The following COL13A1 variants were observed in gnomAD, a reference collection of about 807,000 sequenced individuals.
COL13A1 encodes collagen type XIII alpha 1 chain.
COL13A1 carries 89 observed loss-of-function variants against 130.9 expected under a neutral mutation model. That is an observed-to-expected ratio of 0.68 (90% confidence interval 0.57 to 0.81). The LOEUF (loss-of-function observed/expected upper bound fraction) is 0.81. COL13A1 is among the 30% of genes least tolerant of loss of function. The probability of loss-of-function intolerance (pLI) is 0.00; values close to 1 mark genes in which losing one functional copy is unlikely to be tolerated. For missense variants in COL13A1, 879 were observed against 934.6 expected, an observed-to-expected ratio of 0.94 and a Z score of 0.78; for synonymous variants, 402 against 341.6, an observed-to-expected ratio of 1.18 and a Z score of -1.95.
chr10:69,821,192 T>C (rs1365296348), intron 1 of COL13A1, among the ~76,000 whole-genome samples: 1 of 152,230 alleles, frequency 6.6e-6, no homozygotes, highest in Non-Finnish European at 1.5e-5. Context: ...AAATTACAAA[T>C]GCAGATTTGC....
In COL13A1 at chr10:69,894,684, G is replaced by A; in HGVS notation, c.640G>A (p.Gly214Arg). 6.2e-7 allele frequency: 1 copy of A among 1,613,954 alleles called. No homozygotes were observed. Among genetic ancestry groups the A allele is most frequent in the Non-Finnish European group, 8.5e-7 (1 of 1,179,878 alleles). The part of the protein sequence containing the change: ...TGPPGQPGPQ[G>R]QKGEKGQCGE... Reference sequence around the variant, plus strand: ...CTCCGTCTCTTTGTAGGGACCCCAGGGACAAAAAGGAGAAAAGGTAAGAGC... The same window carrying A: ...CTCCGTCTCTTTGTAGGGACCCCAGAGACAAAAAGGAGAAAAGGTAAGAGC... The change falls in exon 12 of 41, where the codon GGA (glycine) becomes AGA (arginine). Residue 214 changes from glycine (G) to arginine (R), a missense_variant. By Grantham distance (125) the Gly-to-Arg change is moderately radical. This residue lies in a region of COL13A1 where 715 missense variants were observed against 721.0 expected (regional missense o/e 0.99). Transcript: ENST00000645393.
intron 2 of COL13A1, among the ~76,000 whole-genome samples, chr10:69,848,679 C>T (rs926910777): frequency 1.3e-5 from 2 of 152,248 alleles, no homozygotes; most frequent in Non-Finnish European, 2.9e-5. Context: ...CCACGCCACA[C>T]TTCTGCTGTG....
At chr10:69,876,918 C>A (rs1589236378) in intron 5 of COL13A1, among the ~76,000 whole-genome samples, 1 of 152,214 alleles carries the variant, frequency 6.6e-6, no homozygotes, top group South Asian at 2.1e-4. Flanking sequence ...AAAGTGGCAG[C>A]TCTGGGCCTT....
chr10:69,856,688 G>A (rs1334166099), intron 2 of COL13A1, among the ~76,000 whole-genome samples: 2 of 152,198 alleles, frequency 1.3e-5, no homozygotes, highest in Non-Finnish European at 2.9e-5. Flanking sequence ...GAGAACTGTC[G>A]ATGCCTTTTG....
chr10:69,923,463 T>C (rs190976885), intron 23 of COL13A1, among the ~76,000 whole-genome samples: 3 of 152,328 alleles, frequency 2.0e-5, no homozygotes, highest in Admixed American at 2.0e-4. Flanking sequence ...CTCTACATCA[T>C]CTGGGGCAAT....
At chr10:69,897,986 T>C (rs1468082677) in intron 13 of COL13A1, among the ~76,000 whole-genome samples, 1 of 152,110 alleles carries the variant, frequency 6.6e-6, no homozygotes, top group Non-Finnish European at 1.5e-5. Context: ...TTTCTGGAGA[T>C]ATCTTTGCCC....
chr10:69,898,176 C>T (rs2061841009), intron 13 of COL13A1, among the ~76,000 whole-genome samples: 1 of 152,172 alleles, frequency 6.6e-6, no homozygotes, highest in Non-Finnish European at 1.5e-5. Flanking sequence ...AAAAAAGAAC[C>T]CACCAGCCGC....
chr10:69,861,427 T>A lies in COL13A1; in HGVS notation c.365-6371T>A, dbSNP rs1446040547. Among the ~76,000 whole-genome samples the A allele has an allele frequency of 2.0e-5, 3 of 152,168 alleles. No individual in the cohort carries two copies. In the East Asian group the frequency reaches 5.8e-4, roughly 29 times the overall value. ...CTGGCTCCTGTCCCTTCCTTGCTCG[T>A]ACATTCCAGTCTCTCTGCCAACCTT... is the stretch of plus-strand genomic sequence containing the variant. On this transcript the variant is annotated intron_variant, in intron 2 of 40. Transcript: ENST00000645393.
rs1430859604 is a variant in COL13A1 at position 69,924,957 on chromosome 10, C to T, written c.1285-6C>T. 4.4e-6 allele frequency: 7 copies of T among 1,587,174 alleles called. No individual in the cohort carries two copies. The highest frequency in any genetic ancestry group is 1.3e-5 in the African/African-American group (1 of 74,276). On this transcript the variant is annotated splice_polypyrimidine_tract_variant and splice_region_variant and intron_variant, in intron 24 of 40. Transcript: ENST00000645393. ...CCCACTTTGCTCCAATTTTGTCATG[C>T]AACAGGGGGAGCGTGGAGCAGCTGG...
chr10:69,940,903 C>T (rs538847140), intron 34 of COL13A1, 85 bp from the exon 35 acceptor site: 14 of 1,579,776 alleles, frequency 8.9e-6, no homozygotes, highest in South Asian at 2.2e-5. Flanking sequence ...CTGCTTTACT[C>T]ACCTCTTCCC....
Position 69,855,240 on chromosome 10 carries a change from C to T in COL13A1, c.365-12558C>T, listed in dbSNP as rs117678602. 5.5e-4 allele frequency among the ~76,000 whole-genome samples: 84 copies of T among 152,308 alleles called. No individual in the cohort carries two copies. In the East Asian group the frequency reaches 0.016, roughly 29 times the overall value. ...TGACATTCAGAGGGGTTGGTGGTGC[C>T]GTTCAGCCAGATGGCATGGAAGCAG... On this transcript the variant is annotated intron_variant, in intron 2 of 40. Transcript: ENST00000645393.
chr10:69,810,711 G>A (rs527354139), intron 1 of COL13A1, among the ~76,000 whole-genome samples: 2 of 152,332 alleles, frequency 1.3e-5, no homozygotes, highest in African/African-American at 4.8e-5. Context: ...GCTTCTCCAA[G>A]GGAAACTGAG....
At chr10:69,937,809 G>C (rs1003255223) in intron 34 of COL13A1, 94 bp downstream of exon 34, 12 of 676,232 alleles carry the variant, frequency 1.8e-5, no homozygotes, top group Non-Finnish European at 2.7e-5. Context: ...TAAGGTTCTA[G>C]AGTCTGAGCA....
In COL13A1 at chr10:69,890,894, C is replaced by T. The variant is rs145515693; in HGVS notation, c.603+1454C>T. 1.7e-3 allele frequency among the ~76,000 whole-genome samples: 262 copies of T among 152,362 alleles called. 4 individuals carry two copies. The highest frequency in any genetic ancestry group is 6.2e-3 in the African/African-American group (258 of 41,586). ...GGCTCAGAGAGTCTAACTAACTTGC[C>T]TGAAGTCACACAGCTGAATGTCCAA... On this transcript the variant is annotated intron_variant, in intron 10 of 40. Transcript: ENST00000645393.
chr10:69,892,836 C>T (rs1232171619), intron 10 of COL13A1, among the ~76,000 whole-genome samples: 1 of 152,168 alleles, frequency 6.6e-6, no homozygotes, highest in African/African-American at 2.4e-5. Flanking sequence ...GAAATAAAAC[C>T]ATGTGGGACA....
chr10:69,929,501 C>T (rs72805185), intron 28 of COL13A1, among the ~76,000 whole-genome samples: 2,882 of 152,304 alleles, frequency 0.019, 48 homozygotes, highest in Non-Finnish European at 0.026. Context: ...CAATAGACCA[C>T]CTCCTCCTTG....
intron 4 of COL13A1, among the ~76,000 whole-genome samples, chr10:69,874,454 AAACTTAAT>A (rs1341192929): frequency 2.0e-5 from 3 of 152,246 alleles, no homozygotes; most frequent in Non-Finnish European, 4.4e-5. Flanking sequence ...GGGAGGAACA[AAACTTAAT>A]AAGCAGATTT....
At chr10:69,953,723 C>T (rs927044237) in intron 39 of COL13A1, among the ~76,000 whole-genome samples, 12 of 152,198 alleles carry the variant, frequency 7.9e-5, no homozygotes, top group Admixed American at 2.0e-4. Flanking sequence ...GGAGGATCAA[C>T]GGAGAGGGGG....
At position 69,906,346 on chromosome 10, in the gene COL13A1, C is replaced by G. The variant is rs371764733; in HGVS notation, c.921+524C>G. ...TTGACAGTCTGGGAATTCTGCTAAT[C>G]TCACCTGGGCTCACTCATGCAGTCA... On this transcript the variant is annotated intron_variant, in intron 17 of 40. Transcript: ENST00000645393. Among the ~76,000 whole-genome samples, 98 of 152,284 alleles carry G rather than the reference C, an allele frequency of 6.4e-4. 1 individual carries two copies. The highest frequency in any genetic ancestry group is 2.3e-3 in the African/African-American group (95 of 41,560).
Sources: gnomAD v4.1 joint callset for allele counts (sites outside exome capture counted in the v4.1 genomes callset) on GRCh38, gnomAD v4.1.1 for gene constraint, gnomAD v4.1.1 regional missense constraint, MANE v1.5 for transcripts, NCBI Gene and HGNC (gene_info 2026-07-23, HGNC 2026-07-21) for gene names.